The following ESR1 variants were observed in gnomAD, a reference collection of about 807,000 sequenced individuals.
ESR1 encodes estrogen receptor.
Under a neutral mutation model 52.7 loss-of-function variants are expected in ESR1, and 12 were observed. The observed-to-expected ratio is 0.23, with a 90% CI of 0.15 to 0.37. The LOEUF (loss-of-function observed/expected upper bound fraction) is 0.37. Ranked by LOEUF, ESR1 falls within the 10% of genes least tolerant of loss-of-function variation. ESR1 has a pLI of 1.00. For missense variants in ESR1, 584 were observed against 779.7 expected (o/e 0.75, Z 2.99); for synonymous variants, 305 against 316.8 (o/e 0.96, Z 0.39).
At chr6:151,750,491 G>T (rs938930031) in intron 2 of ESR1, among the ~76,000 whole-genome samples, 10 of 152,146 alleles carry the variant, frequency 6.6e-5, no homozygotes, top group Non-Finnish European at 1.3e-4. Flanking sequence ...TGAGCAAGGA[G>T]CCTAATTCTT....
chr6:151,975,713 A>T (rs565528093), intron 4 of ESR1, among the ~76,000 whole-genome samples: 6 of 152,350 alleles, frequency 3.9e-5, no homozygotes, highest in Non-Finnish European at 8.8e-5. Context: ...GATTGTAAAC[A>T]TTAATTATAT....
rs548012169 is a variant in ESR1, at chr6:151,896,522, G to A, written c.760+15751G>A. 1.4e-4 allele frequency among the ~76,000 whole-genome samples: 21 copies of A among 152,190 alleles called. No individual in the cohort carries two copies. The East Asian group carries it at 3.1e-3, about 22-fold the overall frequency. ...TGATCTTTTGTATTTCTGTGGGGTT[G>A]GTTGTAATATCTCCTGTTTGTTTCT... On this transcript the variant is annotated intron_variant, in intron 3 of 7. Coordinates refer to ENST00000206249, the MANE Select transcript of ESR1 (RefSeq NM_000125.4).
intron 4 of ESR1, among the ~76,000 whole-genome samples, chr6:152,004,183 G>C (rs1351688690): frequency 6.6e-6 from 1 of 151,974 alleles, no homozygotes; most frequent in Admixed American, 6.6e-5. Flanking sequence ...TACACACACA[G>C]ACACACAGGA....
At chr6:151,774,495 T>C (rs1785787967) in intron 2 of ESR1, among the ~76,000 whole-genome samples, 1 of 152,246 alleles carries the variant, frequency 6.6e-6, no homozygotes. Flanking sequence ...TGGTACTACA[T>C]TGTGGTCTTC....
chr6:151,907,632 A>C (rs1797655578), intron 3 of ESR1, among the ~76,000 whole-genome samples: 1 of 152,108 alleles, frequency 6.6e-6, no homozygotes, highest in Non-Finnish European at 1.5e-5. Flanking sequence ...GCATGGACAT[A>C]CTATAATTTA....
intron 1 of ESR1, among the ~76,000 whole-genome samples, chr6:151,669,478 G>C (rs1237607563): frequency 3.3e-5 from 5 of 152,292 alleles, no homozygotes; most frequent in African/African-American, 1.2e-4. Flanking sequence ...TGATTCTAAA[G>C]TGTGAGAGAG....
At chr6:152,103,827 C>T (rs1009734083), downstream of ESR1, among the ~76,000 whole-genome samples, 2 of 152,128 alleles carry the variant, frequency 1.3e-5, no homozygotes, top group South Asian at 2.1e-4. Context: ...TCAGGACTCC[C>T]TTCCCTTTTT....
intron 3 of ESR1, among the ~76,000 whole-genome samples, chr6:151,909,635 T>C (rs1190058399): frequency 6.6e-6 from 1 of 151,860 alleles, no homozygotes; most frequent in Non-Finnish European, 1.5e-5. Context: ...GAAGCATGGG[T>C]AAATGTCATC....
intron 1 of ESR1, among the ~76,000 whole-genome samples, chr6:151,816,388 G>C (rs1242510629): frequency 1.3e-5 from 2 of 152,198 alleles, no homozygotes; most frequent in African/African-American, 4.8e-5. Context: ...TTGCTTAACT[G>C]TGTGCCTCAG....
At chr6:151,972,927 A>G (rs1052944276) in intron 4 of ESR1, among the ~76,000 whole-genome samples, 8 of 152,358 alleles carry the variant, frequency 5.3e-5, no homozygotes, top group African/African-American at 1.7e-4. Context: ...GGCAGGAAGC[A>G]TCCAGCATGG....
intron 5 of ESR1, among the ~76,000 whole-genome samples, chr6:152,026,920 C>G (rs2044189663): frequency 6.6e-6 from 1 of 151,806 alleles, no homozygotes; most frequent in Non-Finnish European, 1.5e-5. Flanking sequence ...CCAGCACATA[C>G]CTATGAGGTA....
At chr6:152,106,179 T>C (rs2051065122), downstream of ESR1, among the ~76,000 whole-genome samples, 1 of 152,232 alleles carries the variant, frequency 6.6e-6, no homozygotes, top group African/African-American at 2.4e-5. Context: ...TTTGCTCCAA[T>C]GCAGCTCCAT....
chr6:152,022,017 C>G (rs2043698436), intron 5 of ESR1, among the ~76,000 whole-genome samples: 1 of 152,132 alleles, frequency 6.6e-6, no homozygotes, highest in African/African-American at 2.4e-5. Context: ...ATGTCTTTAT[C>G]AGCAGCATGA....
At chr6:151,836,267 G>A (rs998151802) in intron 1 of ESR1, among the ~76,000 whole-genome samples, 3 of 152,132 alleles carry the variant, frequency 2.0e-5, no homozygotes, top group Non-Finnish European at 4.4e-5. Flanking sequence ...TACCAAGACT[G>A]GGTAAATTAT....
intron 2 of ESR1, among the ~76,000 whole-genome samples, chr6:151,786,497 A>G (rs1006764634): frequency 6.6e-6 from 1 of 152,200 alleles, no homozygotes; most frequent in African/African-American, 2.4e-5. Context: ...TGAAACAAAC[A>G]TGCCATTTTC....
intron 6 of ESR1, among the ~76,000 whole-genome samples, chr6:152,124,528 A>T (rs1349130826): frequency 1.3e-5 from 2 of 152,098 alleles, no homozygotes; most frequent in African/African-American, 4.8e-5. Context: ...ATTAGCATAG[A>T]TGGTCTTCTA....
At chr6:151,930,565 A>G (rs571992837) in intron 3 of ESR1, among the ~76,000 whole-genome samples, 21 of 152,328 alleles carry the variant, frequency 1.4e-4, no homozygotes, top group Non-Finnish European at 2.4e-4. Context: ...TTTAGAAAGA[A>G]TTTAGAATCC....
intron 1 of ESR1, among the ~76,000 whole-genome samples, chr6:151,662,948 A>G (rs191753123): frequency 1.3e-5 from 2 of 152,276 alleles, no homozygotes; most frequent in Admixed American, 1.3e-4. Flanking sequence ...GCATGCTTAA[A>G]CTCTAACTCA....
chr6:152,089,227 T>G (rs1405966041), intron 6 of ESR1, among the ~76,000 whole-genome samples: 1 of 152,240 alleles, frequency 6.6e-6, no homozygotes, highest in Non-Finnish European at 1.5e-5. Flanking sequence ...ATGGACTTCT[T>G]ATCATGTTAC....
Sources: allele counts gnomAD v4.1 joint callset (sites outside exome capture counted in the v4.1 genomes callset), GRCh38; gene constraint gnomAD v4.1.1; transcripts MANE v1.5; gene names NCBI Gene and HGNC (gene_info 2026-07-23, HGNC 2026-07-21).